USP48: variants seen among roughly 807,000 people sequenced by gnomAD.
The protein encoded by USP48 is ubiquitin carboxyl-terminal hydrolase 48.
A neutral mutation model predicts 150.7 loss-of-function variants in USP48; 43 were observed. The observed-to-expected ratio is 0.29, with a 90% CI of 0.22 to 0.37. The LOEUF (loss-of-function observed/expected upper bound fraction) is 0.37, where lower values mean the gene tolerates loss of function less well. Among genes scored for constraint, USP48 ranks in the 10% least tolerant of loss-of-function variants. USP48 has a pLI of 1.00. For synonymous variants in USP48, 396 were observed against 425.9 expected (o/e 0.93, Z 0.86); for missense variants, 813 against 1,249.6 (o/e 0.65, Z 5.27).
At position 21,687,218 on chromosome 1, in the gene USP48, A is replaced by C; in HGVS notation, c.3031T>G (p.Tyr1011Asp). The change falls in exon 25 of 27, where the codon TAT (tyrosine) becomes GAT (aspartate). Residue 1011 changes from tyrosine to aspartate, a missense_variant. By Grantham distance (160) the Tyr-to-Asp change is radical. Coordinates refer to ENST00000308271, the MANE Select transcript of USP48 (RefSeq NM_032236.8). ...LLKADEPIAD[Y>D]AAMDDVMQVC... ...TGCATGACATCATCCATTGCAGCAT[A>C]ATCTGCAATTGGTTCATCAGCCTAG... 1 of 1,613,214 alleles carries C rather than the reference A, an allele frequency of 6.2e-7. No individual in the cohort carries two copies. The highest frequency in any genetic ancestry group is 1.1e-5 in the South Asian group (1 of 90,890).
chr1:21,754,594 G>C (rs1206908098), intron 3 of USP48, among the ~76,000 whole-genome samples: 5 of 152,172 alleles, frequency 3.3e-5, no homozygotes, highest in African/African-American at 1.2e-4. Context: ...AAGAAGGTAA[G>C]GCTTCTCAGT....
chr1:21,763,305 G>GATAGACTA (rs1194194241), intron 1 of USP48, among the ~76,000 whole-genome samples: 3 of 152,226 alleles, frequency 2.0e-5, no homozygotes, highest in Admixed American at 2.0e-4. Context: ...GGTGACCTGT[G>GATAGACTA]ATAGACTACC....
intron 25 of USP48, chr1:21,685,991 C>G (rs2097579436): frequency 1.3e-5 from 2 of 152,166 alleles, no homozygotes; most frequent in South Asian, 4.1e-4. Flanking sequence ...ATGGCACATG[C>G]CTGTAGTCCC....
At chr1:21,760,038 C>T (rs2097846325) in intron 1 of USP48, among the ~76,000 whole-genome samples, 1 of 152,170 alleles carries the variant, frequency 6.6e-6, no homozygotes, top group South Asian at 2.1e-4. Context: ...ATCTAATTGA[C>T]ACCACACACC....
chr1:21,696,023 T>C (rs1312229939), intron 22 of USP48, among the ~76,000 whole-genome samples: 1 of 152,166 alleles, frequency 6.6e-6, no homozygotes, highest in Non-Finnish European at 1.5e-5. Context: ...CCTTTCAATT[T>C]ACAGAAATTG....
chr1:21,759,173 C>T (rs1476499249), intron 1 of USP48, among the ~76,000 whole-genome samples: 1 of 91,906 alleles, frequency 1.1e-5, no homozygotes, highest in Non-Finnish European at 2.0e-5. Context: ...CAGAGAGAGA[C>T]ACGGTCTCAA....
chr1:21,775,969 T>G (rs1344759070), intron 1 of USP48, among the ~76,000 whole-genome samples: 1 of 152,166 alleles, frequency 6.6e-6, no homozygotes, highest in Non-Finnish European at 1.5e-5. Context: ...TATGAAACCC[T>G]TTGCACTTAG....
chr1:21,703,666 T>C (rs754096201), intron 20 of USP48, 48 bp from the exon 21 acceptor site: 7 of 1,335,900 alleles, frequency 5.2e-6, no homozygotes, highest in African/African-American at 4.4e-5. Context: ...TGAGGAATCA[T>C]TGTTAAAGAA....
At position 21,695,279 on chromosome 1, in the gene USP48, C is replaced by T. The variant is rs2097623951; in HGVS notation, c.2728-58G>A. ...GAAATTAACCACAATGTGACCCTTG[C>T]TCATGAAGTTTTTCAGGTAAACAAA... On this transcript the variant is annotated intron_variant, in intron 22 of 26. Transcript: ENST00000308271. 15 of 1,494,942 alleles carry T rather than the reference C, an allele frequency of 1.0e-5. No homozygotes were observed. The South Asian group carries it at 2.0e-4, about 20-fold the overall frequency. 92.6% of individuals were successfully genotyped at this position (1,494,942 alleles called of 1,614,324 possible).
chr1:21,765,284 G>A (rs2097858929), intron 1 of USP48, among the ~76,000 whole-genome samples: 1 of 152,200 alleles, frequency 6.6e-6, no homozygotes, highest in Admixed American at 6.5e-5. Flanking sequence ...GACATCTGCT[G>A]TGATTTTAGG....
At chr1:21,761,345 C>A (rs2097849614) in intron 1 of USP48, among the ~76,000 whole-genome samples, 1 of 150,798 alleles carries the variant, frequency 6.6e-6, no homozygotes, top group African/African-American at 2.4e-5. Flanking sequence ...TCATGGCTCA[C>A]TGCAGCCTCT....
intron 15 of USP48, among the ~76,000 whole-genome samples, chr1:21,712,777 C>T (rs1023087196): frequency 7.9e-5 from 12 of 151,762 alleles, no homozygotes; most frequent in African/African-American, 2.9e-4. Flanking sequence ...TACAGGCGTC[C>T]ACCATGACAT....
intron 1 of USP48, among the ~76,000 whole-genome samples, chr1:21,775,677 C>A (rs2097896397): frequency 6.6e-6 from 1 of 152,146 alleles, no homozygotes; most frequent in African/African-American, 2.4e-5. Flanking sequence ...TATGATGTTT[C>A]CCTAATGAGA....
intron 8 of USP48, among the ~76,000 whole-genome samples, chr1:21,738,377 T>TG (rs1293341333): frequency 3.2e-5 from 4 of 124,088 alleles, no homozygotes; most frequent in African/African-American, 9.4e-5. Flanking sequence ...TTTTTTGAGA[T>TG]GGAGTTTCAC....
intron 23 of USP48, among the ~76,000 whole-genome samples, chr1:21,693,832 T>C (rs563936546): frequency 1.1e-4 from 16 of 152,290 alleles, no homozygotes; most frequent in African/African-American, 3.8e-4. Context: ...CCAAGGGAAA[T>C]ACTGTTGTCA....
In USP48 at chr1:21,706,111, A is replaced by ATGTTT. The variant is rs370601935; in HGVS notation, c.2273+14_2273+15insAAACA. 3.8e-5 allele frequency: 62 copies of ATGTTT among 1,611,862 alleles called. No homozygotes were observed. The South Asian group carries it at 6.7e-4, about 17-fold the overall frequency. ...TCAGTAACAATAAAGGAAATAAAAC[A>ATGTTT]TATTTTGTTTCTACCTAACAAATTT... On this transcript the variant is annotated intron_variant, in intron 18 of 26. Transcript: ENST00000308271.
chr1:21,744,778 A>T (rs796715941), intron 8 of USP48, among the ~76,000 whole-genome samples: 1 of 9,110 alleles, frequency 1.1e-4, no homozygotes, highest in African/African-American at 2.1e-4. Context: ...CTCTATCTCT[A>T]AAAAAAAAAA....
intron 1 of USP48, among the ~76,000 whole-genome samples, chr1:21,780,902 C>T (rs1435831542): frequency 2.0e-5 from 3 of 150,670 alleles, no homozygotes; most frequent in Non-Finnish European, 3.0e-5. Flanking sequence ...CCACCACCCC[C>T]GGCTAATTTT....
intron 25 of USP48, chr1:21,686,535 T>A (rs1254211644): frequency 2.0e-5 from 3 of 152,326 alleles, no homozygotes; most frequent in Non-Finnish European, 4.4e-5. Flanking sequence ...CACTTGATCA[T>A]ACAGAACCAG....
Sources: allele counts gnomAD v4.1 joint callset (sites outside exome capture counted in the v4.1 genomes callset), GRCh38; gene constraint gnomAD v4.1.1; transcripts MANE v1.5; gene names NCBI Gene and HGNC (gene_info 2026-07-23, HGNC 2026-07-21).